The following IPO11 variants were observed in gnomAD, a reference collection of about 807,000 sequenced individuals.
IPO11 encodes the protein importin-11.
IPO11 carries 66 observed loss-of-function variants against 143.2 expected under a neutral mutation model. The observed-to-expected ratio is 0.46, with a 90% confidence interval of 0.38 to 0.57. The LOEUF is 0.57. Among genes scored for constraint, IPO11 ranks in the 20% least tolerant of loss-of-function variants. The pLI, the probability that IPO11 is intolerant of heterozygous loss-of-function variation, is 0.00. For missense variants in IPO11, 1,026 were observed against 1,141.0 expected, an observed-to-expected ratio of 0.90 and a Z score of 1.45; for synonymous variants, 385 against 377.8, an observed-to-expected ratio of 1.02 and a Z score of -0.22.
intron 26 of IPO11, among the ~76,000 whole-genome samples, chr5:62,557,706 T>C (rs184879763): frequency 3.1e-4 from 47 of 152,378 alleles, no homozygotes; most frequent in Admixed American, 2.0e-3. Context: ...ATTGTGCTGG[T>C]ACCTAGAATA....
chr5:62,430,954 TGTGAGCCAC>T (rs577432534), intron 1 of IPO11, among the ~76,000 whole-genome samples: 135 of 151,460 alleles, frequency 8.9e-4, no homozygotes, highest in African/African-American at 1.1e-3. Context: ...CTATTACAGG[TGTGAGCCAC>T]GTGAGCCACC....
chr5:62,518,131 C>T (rs1241419331), intron 20 of IPO11, among the ~76,000 whole-genome samples: 23 of 143,116 alleles, frequency 1.6e-4, no homozygotes, highest in Middle Eastern at 6.8e-3. Flanking sequence ...GGTGAAACCC[C>T]GTGCCTACTA....
intron 18 of IPO11, among the ~76,000 whole-genome samples, chr5:62,505,243 T>C (rs1338967002): frequency 6.6e-6 from 1 of 152,114 alleles, no homozygotes; most frequent in Non-Finnish European, 1.5e-5. Flanking sequence ...CTCTGTGTTA[T>C]TTGCATTTGT....
intron 26 of IPO11, among the ~76,000 whole-genome samples, chr5:62,559,931 AAAAAAAAAAAAG>A (rs1168183666): frequency 0.021 from 3,029 of 147,432 alleles, 100 homozygotes; most frequent in Non-Finnish European, 0.03. Context: ...AAAAAAAAAA[AAAAAAAAAAAAG>A]AGAGAGAAAA....
chr5:62,627,063 T>C lies in IPO11; in HGVS notation c.2764-91T>C. 4 of 1,148,326 alleles carry C rather than the reference T, an allele frequency of 3.5e-6. No individual in the cohort carries two copies. In the South Asian group the frequency reaches 6.7e-5, roughly 19 times the overall value. The allele number at this position is 1,148,326 out of a possible 1,614,324, so 71.1% of individuals were successfully genotyped here. On this transcript the variant is annotated intron_variant, in intron 29 of 29. Coordinates refer to ENST00000325324, the MANE Select transcript of IPO11 (RefSeq NM_016338.5). ...AGAGGCAGAAGCAATTTTGTTACTG[T>C]AGAAGAGATTACAAAGAACTTTTGT...
At chr5:62,454,577 A>C (rs1003366858) in intron 5 of IPO11, among the ~76,000 whole-genome samples, 2 of 152,192 alleles carry the variant, frequency 1.3e-5, no homozygotes, top group Non-Finnish European at 1.5e-5. Context: ...CTTAAGCTGG[A>C]TAGCTTGTGT....
At chr5:62,598,978 A>G (rs772872640) in intron 28 of IPO11, among the ~76,000 whole-genome samples, 13 of 152,330 alleles carry the variant, frequency 8.5e-5, no homozygotes, top group Middle Eastern at 3.4e-3. Flanking sequence ...TTGCCCTAAC[A>G]TAGAATGGGG....
intron 2 of IPO11, among the ~76,000 whole-genome samples, chr5:62,440,165 A>G (rs192587881): frequency 6.6e-6 from 1 of 152,320 alleles, no homozygotes; most frequent in Admixed American, 6.5e-5. Flanking sequence ...TGTGAAGATC[A>G]AATGTGATTA....
At chr5:62,534,639 C>T (rs1241798842) in intron 22 of IPO11, among the ~76,000 whole-genome samples, 4 of 152,156 alleles carry the variant, frequency 2.6e-5, no homozygotes, top group Non-Finnish European at 2.9e-5. Flanking sequence ...TCACTTAAAT[C>T]AGGGATTTTC....
intron 29 of IPO11, among the ~76,000 whole-genome samples, chr5:62,614,884 G>A (rs1348745825): frequency 6.6e-6 from 1 of 152,138 alleles, no homozygotes; most frequent in African/African-American, 2.4e-5. Context: ...TGGTGGAGGT[G>A]GCTCTCAGTG....
Position 62,440,928 on chromosome 5 carries a change from A to C in IPO11, c.139-2055A>C, listed in dbSNP as rs145628829. Among the ~76,000 whole-genome samples, 980 of 151,628 alleles carry C rather than the reference A, an allele frequency of 6.5e-3. 6 individuals carry two copies. The highest frequency in any genetic ancestry group is 0.01 in the Non-Finnish European group (709 of 67,886). On this transcript the variant is annotated intron_variant, in intron 2 of 29. Coordinates refer to ENST00000325324, the MANE Select transcript of IPO11 (RefSeq NM_016338.5). ...CAGTGAGCCAAGATCGCGCCACTGC[A>C]CTCCAGTCAGTGCAACGGGAGTGAG...
chr5:62,533,529 A>C (rs912290148), intron 22 of IPO11, among the ~76,000 whole-genome samples: 1 of 152,132 alleles, frequency 6.6e-6, no homozygotes, highest in Non-Finnish European at 1.5e-5. Context: ...CTTTCATGAA[A>C]GTTTAAAAAT....
At chr5:62,516,003 A>G (rs886653252) in intron 20 of IPO11, among the ~76,000 whole-genome samples, 5 of 152,174 alleles carry the variant, frequency 3.3e-5, no homozygotes, top group African/African-American at 1.2e-4. Flanking sequence ...TTAGAGCTGG[A>G]CTATAGTTCT....
At chr5:62,413,219 C>T (rs565576629) in intron 1 of IPO11, among the ~76,000 whole-genome samples, 1 of 152,290 alleles carries the variant, frequency 6.6e-6, no homozygotes, top group East Asian at 1.9e-4. Context: ...CCCATCGTGA[C>T]CGCGGTTGCG....
intron 8 of IPO11, 137 bp downstream of exon 8, chr5:62,474,601 C>G (rs1745891009): frequency 4.6e-6 from 3 of 655,306 alleles, no homozygotes; most frequent in Admixed American, 6.4e-5. Context: ...ACTTATAAAT[C>G]TAGAGAAAGT....
intron 28 of IPO11, among the ~76,000 whole-genome samples, chr5:62,598,846 A>G (rs1190520932): frequency 6.6e-6 from 1 of 151,870 alleles, no homozygotes. Flanking sequence ...CACCTGGCCC[A>G]TAAATCATTT....
intron 22 of IPO11, among the ~76,000 whole-genome samples, chr5:62,531,482 C>A (rs904348956): frequency 1.3e-5 from 2 of 152,122 alleles, no homozygotes; most frequent in Non-Finnish European, 2.9e-5. Context: ...AGGTGTGCAC[C>A]ACCACACACA....
At chr5:62,474,041 A>C (rs1745874126) in intron 7 of IPO11, among the ~76,000 whole-genome samples, 2 of 152,318 alleles carry the variant, frequency 1.3e-5, no homozygotes, top group Admixed American at 1.3e-4. Flanking sequence ...CTTATATTCT[A>C]ATGGGAGGAG....
At chr5:62,614,281 T>G (rs1235846250) in intron 29 of IPO11, among the ~76,000 whole-genome samples, 1 of 152,246 alleles carries the variant, frequency 6.6e-6, no homozygotes, top group Non-Finnish European at 1.5e-5. Flanking sequence ...TTAACCTTAT[T>G]CAAAATGGCT....
Sources: gnomAD v4.1 joint callset for allele counts (sites outside exome capture counted in the v4.1 genomes callset) on GRCh38, gnomAD v4.1.1 for gene constraint, MANE v1.5 for transcripts, NCBI Gene and HGNC (gene_info 2026-07-23, HGNC 2026-07-21) for gene names.